The following METTL22 variants were observed in gnomAD, a reference collection of about 807,000 sequenced individuals.
METTL22 encodes the protein methyltransferase-like protein 22.
METTL22 carries 51 observed loss-of-function variants against 48.4 expected under a neutral mutation model. The observed-to-expected ratio is 1.05, with a 90% CI of 0.84 to 1.33. The LOEUF is 1.33. Ranked by LOEUF, METTL22 falls within the 40% of genes most tolerant of loss-of-function variation. The pLI, the probability that METTL22 is intolerant of heterozygous loss-of-function variation, is 0.00. For synonymous variants in METTL22, 255 were observed against 214.1 expected (o/e 1.19, Z -1.67); for missense variants, 678 against 526.9 (o/e 1.29, Z -2.81).
chr16:8,653,054 G>A (rs1456235122), downstream of METTL22, among the ~76,000 whole-genome samples: 1 of 152,164 alleles, frequency 6.6e-6, no homozygotes, highest in Non-Finnish European at 1.5e-5. Flanking sequence ...CAATGCATGC[G>A]CCGGGCAAAC....
intron 3 of METTL22, chr16:8,632,041 A>C (rs1022258498): frequency 6.6e-6 from 1 of 152,258 alleles, no homozygotes; most frequent in African/African-American, 2.4e-5. Flanking sequence ...TTCGAACACT[A>C]GCAAGTGCCT....
chr16:8,639,702 T>C (rs4985085), intron 6 of METTL22: 158,027 of 160,090 alleles, frequency 0.99, 78,029 homozygotes, highest in Middle Eastern at 1. Context: ...CAGATGGGCC[T>C]CCGCCTCCAT....
chr16:8,654,687 A>G, the METTL22 span, among the ~76,000 whole-genome samples: 146,832 of 152,258 alleles, frequency 0.96, 71,037 homozygotes, highest in South Asian at 1. Flanking sequence ...AGAAAAGTTC[A>G]GAGGGCAAAT....
intron 9 of METTL22, among the ~76,000 whole-genome samples, chr16:8,644,100 C>T (rs1278359484): frequency 4.0e-5 from 5 of 125,120 alleles, no homozygotes; most frequent in South Asian, 3.0e-4. Context: ...ATCTCTCAGA[C>T]CCCAGCTTCC....
the METTL22 span, among the ~76,000 whole-genome samples, chr16:8,655,151 A>G: frequency 6.6e-6 from 1 of 152,298 alleles, no homozygotes; most frequent in South Asian, 2.1e-4. Flanking sequence ...AAGACAACAA[A>G]CATTTATTAT....
chr16:8,645,635 GCA>G (rs1194304641), intron 10 of METTL22, among the ~76,000 whole-genome samples: 1 of 144,336 alleles, frequency 6.9e-6, no homozygotes, highest in Non-Finnish European at 1.5e-5. Context: ...AATTAGCCAT[GCA>G]TGGTGGTGCA....
In METTL22 at chr16:8,633,579, G is replaced by A. The variant is rs560502057; in HGVS notation, c.515-1460G>A. Among the ~76,000 whole-genome samples the A allele has an allele frequency of 3.9e-5, 6 of 152,302 alleles. No individual in the cohort carries two copies. In the South Asian group the frequency reaches 8.3e-4, roughly 21 times the overall value. ...CTTGGCCGTGCCACCACACTCCAGCGTAGATGACAGAGTGAGACCCTGTCT... is the reference window on the plus strand; with the variant it reads ...CTTGGCCGTGCCACCACACTCCAGCATAGATGACAGAGTGAGACCCTGTCT... On this transcript the variant is annotated intron_variant, in intron 3 of 10. Coordinates refer to ENST00000381920, the MANE Select transcript of METTL22 (RefSeq NM_024109.4).
At chr16:8,635,695 T>A (rs551922583) in intron 5 of METTL22, among the ~76,000 whole-genome samples, 2 of 152,356 alleles carry the variant, frequency 1.3e-5, no homozygotes, top group Admixed American at 6.5e-5. Flanking sequence ...CCTTGCCCAT[T>A]CTTTGTAGGA....
intron 3 of METTL22, among the ~76,000 whole-genome samples, chr16:8,633,587 C>T (rs1197823557): frequency 6.6e-6 from 1 of 152,198 alleles, no homozygotes; most frequent in Non-Finnish European, 1.5e-5. Context: ...GCGTAGATGA[C>T]AGAGTGAGAC....
At chr16:8,638,826 C>T (rs1382947075) in intron 5 of METTL22, among the ~76,000 whole-genome samples, 1 of 152,118 alleles carries the variant, frequency 6.6e-6, no homozygotes, top group Admixed American at 6.6e-5. Context: ...TGCATGTGCT[C>T]GGATGATGTT....
At chr16:8,662,488 A>C in the METTL22 span, among the ~76,000 whole-genome samples, 5,053 of 144,118 alleles carry the variant, frequency 0.035, 895 homozygotes, top group African/African-American at 0.12. Flanking sequence ...GCTTCAGGAA[A>C]CAACTGCTGT....
intron 5 of METTL22, among the ~76,000 whole-genome samples, chr16:8,636,382 A>G (rs528501967): frequency 6.6e-6 from 1 of 152,138 alleles, no homozygotes; most frequent in Non-Finnish European, 1.5e-5. Flanking sequence ...TAAAAATACA[A>G]GAATTAACCA....
chr16:8,646,865 T>C lies in METTL22; in HGVS notation c.*722T>C, dbSNP rs2056812840. ...CTTGGTCTCTCTGTCTTATCACGTG[T>C]GTACATGTCTGTCTGTCTGGTTTTT... On this transcript the variant is annotated 3_prime_UTR_variant, in exon 11 of 11. Coordinates refer to ENST00000381920, the MANE Select transcript of METTL22 (RefSeq NM_024109.4). 2 of 358,904 alleles carry C rather than the reference T, an allele frequency of 5.6e-6. No homozygotes were observed. Among genetic ancestry groups the C allele is most frequent in the African/African-American group, 2.1e-5 (1 of 46,768 alleles). The allele number at this position is 358,904 out of a possible 1,614,324, so 22.2% of individuals were successfully genotyped here.
chr16:8,624,698 C>G (rs1047225964), intron 1 of METTL22, among the ~76,000 whole-genome samples: 4 of 151,312 alleles, frequency 2.6e-5, no homozygotes, highest in African/African-American at 9.7e-5. Context: ...AGACCCTTGT[C>G]TCTACAAAAA....
At chr16:8,666,817 GT>G in the METTL22 span, 1 of 101,694 alleles carries the variant, frequency 9.8e-6, no homozygotes, top group South Asian at 3.1e-4. Flanking sequence ...ATGGAGTTTT[GT>G]TCTTGTTGCC....
In METTL22 at chr16:8,639,035, G is replaced by A. The variant is rs1205508741; in HGVS notation, c.701-56G>A. The A allele has an allele frequency of 4.5e-6, 7 of 1,566,382 alleles. No individual in the cohort carries two copies. The East Asian group carries it at 1.6e-4, about 35-fold the overall frequency. ...ACAGCTCTCTCTAGGCAAAAAACAT[G>A]GAGATAAAAGTGTCGTAGTGGCTGG... On this transcript the variant is annotated intron_variant, in intron 5 of 10. Coordinates refer to ENST00000381920, the MANE Select transcript of METTL22 (RefSeq NM_024109.4).
chr16:8,626,761 CTTTTTTTTT>C (rs34726811), intron 2 of METTL22, among the ~76,000 whole-genome samples: 2 of 52,538 alleles, frequency 3.8e-5, no homozygotes, highest in Admixed American at 3.1e-4. Flanking sequence ...GTCCTCTACT[CTTTTTTTTT>C]TTTTTTTTTT....
At chr16:8,629,202 C>G (rs2056171333) in intron 3 of METTL22, 92 bp downstream of exon 3, 1 of 1,486,150 alleles carries the variant, frequency 6.7e-7, no homozygotes. Context: ...GTGGACTCTG[C>G]AGGCCCAGGC....
At chr16:8,642,102 A>C (rs1467821546) in intron 7 of METTL22, 25 bp from the exon 8 acceptor site, 1 of 1,589,496 alleles carries the variant, frequency 6.3e-7, no homozygotes, top group South Asian at 1.1e-5. Flanking sequence ...CAATGGGCAC[A>C]AAGTGTGCTT....
Sources: allele counts gnomAD v4.1 joint callset (sites outside exome capture counted in the v4.1 genomes callset), GRCh38; gene constraint gnomAD v4.1.1; transcripts MANE v1.5; gene names NCBI Gene and HGNC (gene_info 2026-07-23, HGNC 2026-07-21).